Variants in EDEM3 observed in about 807,000 individuals in gnomAD.
The protein encoded by EDEM3 is ER degradation enhancing alpha-mannosidase like protein 3.
A neutral mutation model predicts 110.2 loss-of-function variants in EDEM3; 60 were observed. That is an observed-to-expected ratio of 0.54 (90% CI 0.44 to 0.67). The LOEUF (loss-of-function observed/expected upper bound fraction) is 0.67. EDEM3 is among the 30% of genes least tolerant of loss of function. The pLI is 0.00. For synonymous variants in EDEM3, 352 were observed against 382.9 expected, an observed-to-expected ratio of 0.92 and a Z score of 0.94; for missense variants, 996 against 1,121.0, an observed-to-expected ratio of 0.89 and a Z score of 1.59.
intron 2 of EDEM3, among the ~76,000 whole-genome samples, chr1:184,739,085 A>G (rs1651988542): frequency 6.6e-6 from 1 of 151,912 alleles, no homozygotes; most frequent in Non-Finnish European, 1.5e-5. Flanking sequence ...CTTTTAAAAC[A>G]ATCCATCCTT....
At chr1:184,734,915 T>C (rs1651738801) in intron 4 of EDEM3, among the ~76,000 whole-genome samples, 1 of 152,226 alleles carries the variant, frequency 6.6e-6, no homozygotes. Flanking sequence ...ACTGGATTCT[T>C]AATGACCCAG....
At chr1:184,750,455 A>T (rs1652694539) in intron 1 of EDEM3, among the ~76,000 whole-genome samples, 1 of 152,178 alleles carries the variant, frequency 6.6e-6, no homozygotes, top group South Asian at 2.1e-4. Flanking sequence ...TAATTGTATG[A>T]CCAGACAAGG....
chr1:184,711,932 T>C lies in EDEM3; in HGVS notation c.1537-55A>G. The C allele has an allele frequency of 7.0e-6, 4 of 569,228 alleles. No homozygotes were observed. The Middle Eastern group carries it at 1.6e-3, about 234-fold the overall frequency. 35.3% of individuals were successfully genotyped at this position (569,228 alleles called of 1,614,324 possible). On this transcript the variant is annotated intron_variant, in intron 14 of 19. Transcript: ENST00000318130. The stretch of plus-strand genomic sequence containing the variant: ...GAAATAATTATTTTACTTAACATAA[T>C]TTTTTTTTTTTTGAAATGGAGTCTC...
intron 12 of EDEM3, 105 bp from the exon 13 acceptor site, chr1:184,717,117 G>T: frequency 1.1e-6 from 1 of 887,360 alleles, no homozygotes; most frequent in Non-Finnish European, 1.6e-6. Context: ...GCCAGGCACT[G>T]TATCAGGCAC....
intron 18 of EDEM3, among the ~76,000 whole-genome samples, chr1:184,704,820 G>A (rs1446247267): frequency 6.6e-6 from 1 of 151,958 alleles, no homozygotes; most frequent in East Asian, 1.9e-4. Context: ...CACTGTGGGA[G>A]GCCAAGGCAG....
intron 2 of EDEM3, among the ~76,000 whole-genome samples, chr1:184,739,512 G>A (rs901959617): frequency 6.6e-6 from 1 of 151,578 alleles, no homozygotes; most frequent in Non-Finnish European, 1.5e-5. Context: ...CTGAATTTGG[G>A]GAGAATTGAT....
intron 2 of EDEM3, among the ~76,000 whole-genome samples, chr1:184,743,322 C>T (rs1353831956): frequency 6.6e-6 from 1 of 152,104 alleles, no homozygotes; most frequent in Non-Finnish European, 1.5e-5. Flanking sequence ...AATACCTCCT[C>T]TCTCTTCACA....
intron 2 of EDEM3, among the ~76,000 whole-genome samples, chr1:184,740,716 C>G (rs1652089035): frequency 1.3e-5 from 2 of 152,164 alleles, no homozygotes. Flanking sequence ...TTGAATTGAA[C>G]ATAAATGAGG....
chr1:184,705,677 A>G (rs1159766933), intron 18 of EDEM3, among the ~76,000 whole-genome samples: 1 of 151,956 alleles, frequency 6.6e-6, no homozygotes, highest in Non-Finnish European at 1.5e-5. Context: ...TTTTTTATTT[A>G]CCTTAACTAT....
In EDEM3 at chr1:184,703,880, G is replaced by A. The variant is rs573479572; in HGVS notation, c.2204-884C>T. Among the ~76,000 whole-genome samples the A allele has an allele frequency of 3.9e-5, 6 of 152,302 alleles. No individual in the cohort carries two copies. In the South Asian group the frequency reaches 8.3e-4, roughly 21 times the overall value. The stretch of plus-strand genomic sequence containing the variant: ...GGTAATAGTCCAGTTGAATGACACA[G>A]ACTTAGGGGCTGAGGCTGCAAACTA... On this transcript the variant is annotated intron_variant, in intron 18 of 19. Coordinates refer to ENST00000318130, the MANE Select transcript of EDEM3 (RefSeq NM_025191.4).
intron 6 of EDEM3, 61 bp from the exon 7 acceptor site, chr1:184,726,450 AC>A: frequency 6.6e-7 from 1 of 1,526,610 alleles, no homozygotes; most frequent in Non-Finnish European, 8.9e-7. Context: ...CTGATAAGAA[AC>A]TACTTTTCAA....
chr1:184,696,904 ATT>A (rs1488135985), intron 19 of EDEM3, among the ~76,000 whole-genome samples: 1 of 152,016 alleles, frequency 6.6e-6, no homozygotes, highest in Non-Finnish European at 1.5e-5. Flanking sequence ...ATACGATATT[ATT>A]TTGGAAATCT....
At chr1:184,752,541 A>G (rs751305670) in intron 1 of EDEM3, among the ~76,000 whole-genome samples, 1 of 152,194 alleles carries the variant, frequency 6.6e-6, no homozygotes, top group Non-Finnish European at 1.5e-5. Flanking sequence ...CACTTTCATA[A>G]ATGATCTCAA....
intron 13 of EDEM3, among the ~76,000 whole-genome samples, chr1:184,714,440 G>A (rs1650431145): frequency 6.6e-6 from 1 of 152,118 alleles, no homozygotes; most frequent in African/African-American, 2.4e-5. Flanking sequence ...CAGTAATTAT[G>A]ATTAGGAAAA....
At position 184,710,424 on chromosome 1, in the gene EDEM3, C is replaced by A. The variant is rs987568701; in HGVS notation, c.1815G>T (p.Gly605=). 1.9e-6 allele frequency: 3 copies of A among 1,613,910 alleles called. No individual in the cohort carries two copies. The highest frequency in any genetic ancestry group is 2.5e-6 in the Non-Finnish European group (3 of 1,179,878). The change falls in exon 16 of 20, where the codon GGG becomes GGT. Residue 605 remains glycine, a synonymous_variant. Coordinates refer to ENST00000318130, the MANE Select transcript of EDEM3 (RefSeq NM_025191.4). ...MGVSLIHLKD[G]RVQLVQHAIQ... is the part of the protein sequence containing the mutation. The stretch of plus-strand genomic sequence containing the variant: ...TTGCATGTTGGACCAACTGGACTCT[C>A]CCATCTTTGAGGTGAATCAAACTCA...
rs186502769 is a variant in EDEM3, at chr1:184,721,502, C to A, written c.854-116G>T. 3.2e-5 allele frequency: 20 copies of A among 617,920 alleles called. No individual in the cohort carries two copies. The African/African-American group carries it at 3.9e-4, about 12-fold the overall frequency. The allele number at this position is 617,920 out of a possible 1,614,324, so 38.3% of individuals were successfully genotyped here. On this transcript the variant is annotated intron_variant, in intron 8 of 19. Coordinates refer to ENST00000318130, the MANE Select transcript of EDEM3 (RefSeq NM_025191.4). ...TTAACATTGTGCATATATATGACTA[C>A]ACCAGTTTAGATTTGCCCTGGAACA...
Position 184,712,519 on chromosome 1 carries a change from T to A in EDEM3, c.1450A>T (p.Ile484Leu). 1 of 1,603,300 alleles carries A rather than the reference T, an allele frequency of 6.2e-7. No homozygotes were observed. The highest frequency in any genetic ancestry group is 8.5e-7 in the Non-Finnish European group (1 of 1,174,284). The change falls in exon 14 of 20, where the codon ATA becomes TTA. Residue 484 changes from isoleucine (I) to leucine (L), a missense_variant. Ile to Leu is a conservative substitution (Grantham distance 5, BLOSUM62 2). Transcript: ENST00000318130. The stretch of plus-strand genomic sequence containing the variant: ...TCTGTTGTAAAGATGTAATCTTCTA[T>A]GTCAAAAATAATGTCTTCTTTATCA... Reference protein sequence around the residue: ...FADKEDIIFDIEDYIFTTEAH... With the variant: ...FADKEDIIFDLEDYIFTTEAH...
chr1:184,750,016 A>G (rs1652665835), intron 1 of EDEM3, among the ~76,000 whole-genome samples: 1 of 152,140 alleles, frequency 6.6e-6, no homozygotes, highest in African/African-American at 2.4e-5. Context: ...TGCTTCCCCT[A>G]TATGTTCTAC....
intron 8 of EDEM3, among the ~76,000 whole-genome samples, chr1:184,721,838 T>A (rs907197144): frequency 6.6e-6 from 1 of 151,856 alleles, no homozygotes; most frequent in African/African-American, 2.4e-5. Context: ...TTTTACTGTC[T>A]TAACCAGTAA....
Sources: allele counts gnomAD v4.1 joint callset (sites outside exome capture counted in the v4.1 genomes callset), GRCh38; gene constraint gnomAD v4.1.1; transcripts MANE v1.5; gene names NCBI Gene and HGNC (gene_info 2026-07-23, HGNC 2026-07-21).